The following ZFHX3 variants were observed in gnomAD, a reference collection of about 807,000 sequenced individuals.
ZFHX3 encodes zinc finger homeobox protein 3.
A neutral mutation model predicts 279.1 loss-of-function variants in ZFHX3; 42 were observed. That is an observed-to-expected ratio of 0.15 (90% CI 0.12 to 0.19). The LOEUF (loss-of-function observed/expected upper bound fraction) is 0.19, where lower values mean the gene tolerates loss of function less well. Ranked by LOEUF, ZFHX3 falls within the 10% of genes least tolerant of loss-of-function variation. ZFHX3 has a pLI of 1.00. For synonymous variants in ZFHX3, 2,293 were observed against 1,957.8 expected, an observed-to-expected ratio of 1.17 and a Z score of -4.52; for missense variants, 4,981 against 4,754.0, an observed-to-expected ratio of 1.05 and a Z score of -1.40.
At chr16:73,568,184 G>T (rs2020476560) in intron 2 of ZFHX3, among the ~76,000 whole-genome samples, 1 of 152,100 alleles carries the variant, frequency 6.6e-6, no homozygotes. Context: ...CTTTACGTTT[G>T]TTTTCTTAGG....
At position 73,234,942 on chromosome 16, in the gene ZFHX3, GAA is replaced by G. The variant is rs1430649915; in HGVS notation, c.-1104+22103_-1104+22104del. Among the ~76,000 whole-genome samples, 8 of 152,334 alleles carry G rather than the reference GAA, an allele frequency of 5.3e-5. No individual in the cohort carries two copies. The East Asian group carries it at 1.5e-3, about 29-fold the overall frequency. ...TCTATCATACAAAGAAGTACACAGA[GAA>G]AAAGATTTGATGTCCACTTTTAGAG... On this transcript the variant is annotated intron_variant, in intron 5 of 17. Transcript: ENST00000641206.
intron 4 of ZFHX3, among the ~76,000 whole-genome samples, chr16:72,839,729 C>T (rs2037296785): frequency 6.6e-6 from 1 of 151,516 alleles, no homozygotes; most frequent in South Asian, 2.1e-4. Context: ...GAGGCATCAT[C>T]TAGGGTGTCT....
At chr16:73,016,845 C>A (rs758521874) in intron 1 of ZFHX3, among the ~76,000 whole-genome samples, 13 of 152,058 alleles carry the variant, frequency 8.5e-5, no homozygotes, top group Admixed American at 1.3e-4. Context: ...ACAGCTGAAG[C>A]CCACTGGGAC....
chr16:73,217,847 T>C (rs1361713663), intron 5 of ZFHX3, among the ~76,000 whole-genome samples: 2 of 152,006 alleles, frequency 1.3e-5, no homozygotes, highest in Non-Finnish European at 2.9e-5. Flanking sequence ...CAGACTTCTC[T>C]TTGCACACTT....
chr16:73,842,132 C>G (rs1188661737), intron 1 of ZFHX3, among the ~76,000 whole-genome samples: 1 of 151,904 alleles, frequency 6.6e-6, no homozygotes, highest in Admixed American at 6.6e-5. Flanking sequence ...AGGAGAATCA[C>G]TTGAATCTGG....
chr16:72,832,188 A>G (rs1413430950), intron 4 of ZFHX3, among the ~76,000 whole-genome samples: 3 of 152,174 alleles, frequency 2.0e-5, no homozygotes, highest in Admixed American at 6.5e-5. Context: ...TACAGCCTGC[A>G]GCTATCACAG....
intron 1 of ZFHX3, among the ~76,000 whole-genome samples, chr16:72,994,653 C>CAATG (rs1433288163): frequency 2.0e-5 from 3 of 152,232 alleles, no homozygotes; most frequent in Non-Finnish European, 4.4e-5. Flanking sequence ...TGCAGGGAGC[C>CAATG]AATGACAGCT....
chr16:73,292,328 C>T (rs542200756), intron 4 of ZFHX3, among the ~76,000 whole-genome samples: 23 of 152,092 alleles, frequency 1.5e-4, no homozygotes, highest in African/African-American at 5.5e-4. Flanking sequence ...ATGTCTCAGG[C>T]CTGAAGTAAA....
chr16:73,334,189 C>T (rs1488233218), intron 3 of ZFHX3, among the ~76,000 whole-genome samples: 5 of 152,134 alleles, frequency 3.3e-5, no homozygotes, highest in Admixed American at 3.3e-4. Flanking sequence ...TCTAGGAAAG[C>T]AGAGGGGGCC....
intron 2 of ZFHX3, among the ~76,000 whole-genome samples, chr16:73,558,710 T>C (rs1272840947): frequency 1.7e-5 from 1 of 58,254 alleles, no homozygotes; most frequent in African/African-American, 8.6e-5. Context: ...AAAATGACTC[T>C]TTTTTTTTTT....
intron 8 of ZFHX3, among the ~76,000 whole-genome samples, chr16:73,066,755 C>T (rs927238892): frequency 2.6e-5 from 4 of 152,222 alleles, no homozygotes; most frequent in Non-Finnish European, 4.4e-5. Context: ...GCCCAGGCCC[C>T]GTGCCTGCCT....
intron 1 of ZFHX3, among the ~76,000 whole-genome samples, chr16:73,797,207 A>AAAC (rs1960019939): frequency 6.7e-6 from 1 of 148,770 alleles, no homozygotes; most frequent in African/African-American, 2.6e-5. Context: ...CTATCTCAAA[A>AAAC]AAACAAACAA....
intron 1 of ZFHX3, among the ~76,000 whole-genome samples, chr16:73,724,434 C>T (rs1341397230): frequency 6.6e-6 from 1 of 152,216 alleles, no homozygotes; most frequent in Non-Finnish European, 1.5e-5. Flanking sequence ...CTCACATCCT[C>T]ATGGGGCAAC....
At chr16:73,554,025 C>A (rs28491221) in intron 2 of ZFHX3, among the ~76,000 whole-genome samples, 3,214 of 152,134 alleles carry the variant, frequency 0.021, 113 homozygotes, top group African/African-American at 0.074. Context: ...AGTCACAGTA[C>A]AAGGGGGGAA....
chr16:73,795,452 G>C (rs549248257), intron 1 of ZFHX3, among the ~76,000 whole-genome samples: 1 of 152,310 alleles, frequency 6.6e-6, no homozygotes, highest in South Asian at 2.1e-4. Context: ...TTTTCGATGA[G>C]CCTGGAAATG....
chr16:73,087,987 C>T (rs1290309073), intron 8 of ZFHX3, among the ~76,000 whole-genome samples: 1 of 152,060 alleles, frequency 6.6e-6, no homozygotes, highest in Non-Finnish European at 1.5e-5. Flanking sequence ...CACCACCACG[C>T]CTGGCTGATT....
chr16:73,503,999 G>A (rs1209181606), intron 2 of ZFHX3, among the ~76,000 whole-genome samples: 1 of 152,180 alleles, frequency 6.6e-6, no homozygotes, highest in Non-Finnish European at 1.5e-5. Context: ...AGGTGGAAAA[G>A]GGGCATAAAT....
intron 2 of ZFHX3, among the ~76,000 whole-genome samples, chr16:73,571,638 A>AT (rs2051737128): frequency 1.1e-5 from 1 of 88,972 alleles, no homozygotes. Context: ...AAATAGAATT[A>AT]ATTTTTTTTA....
intron 3 of ZFHX3, among the ~76,000 whole-genome samples, chr16:73,359,854 G>T (rs2016406566): frequency 6.6e-6 from 1 of 152,198 alleles, no homozygotes; most frequent in East Asian, 1.9e-4. Context: ...GAACATTAAA[G>T]ATTCAGTGTG....
Sources: gnomAD v4.1 joint callset for allele counts (sites outside exome capture counted in the v4.1 genomes callset) on GRCh38, gnomAD v4.1.1 for gene constraint, MANE v1.5 for transcripts, NCBI Gene and HGNC (gene_info 2026-07-23, HGNC 2026-07-21) for gene names.